Variants in LRRTM4 observed in about 807,000 individuals in gnomAD.
LRRTM4 encodes the protein leucine-rich repeat transmembrane neuronal protein 4.
A neutral mutation model predicts 47.6 loss-of-function variants in LRRTM4; 25 were observed. That is an observed-to-expected ratio of 0.53 (90% confidence interval 0.38 to 0.73). The LOEUF is 0.73. Ranked by LOEUF, LRRTM4 falls within the 30% of genes least tolerant of loss-of-function variation. LRRTM4 has a pLI of 0.00. For synonymous variants in LRRTM4, 311 were observed against 269.5 expected, an observed-to-expected ratio of 1.15 and a Z score of -1.51; for missense variants, 638 against 713.4, an observed-to-expected ratio of 0.89 and a Z score of 1.20.
intron 3 of LRRTM4, among the ~76,000 whole-genome samples, chr2:76,872,896 C>A (rs116347931): frequency 2.6e-5 from 4 of 152,128 alleles, no homozygotes; most frequent in Non-Finnish European, 4.4e-5. Flanking sequence ...TCCCACTCAC[C>A]CTTGCTCCCT....
intron 3 of LRRTM4, among the ~76,000 whole-genome samples, chr2:76,837,825 C>G (rs969463695): frequency 1.3e-5 from 2 of 151,836 alleles, no homozygotes; most frequent in African/African-American, 2.4e-5. Flanking sequence ...TCTCAGTAAA[C>G]TATTGCAAGG....
chr2:76,939,750 G>T (rs920344064), intron 3 of LRRTM4, among the ~76,000 whole-genome samples: 1 of 151,898 alleles, frequency 6.6e-6, no homozygotes, highest in African/African-American at 2.4e-5. Context: ...ATTTTTAAGT[G>T]ATATCCTTTT....
intron 3 of LRRTM4, among the ~76,000 whole-genome samples, chr2:76,960,445 A>G (rs1434719188): frequency 6.6e-6 from 1 of 151,698 alleles, no homozygotes; most frequent in African/African-American, 2.4e-5. Context: ...TTCTATATAA[A>G]GGAACATTAT....
At chr2:77,062,528 C>T (rs1679819446) in intron 3 of LRRTM4, among the ~76,000 whole-genome samples, 1 of 152,122 alleles carries the variant, frequency 6.6e-6, no homozygotes, top group Non-Finnish European at 1.5e-5. Flanking sequence ...TGCAGATTTT[C>T]CAACTCCACA....
intron 3 of LRRTM4, among the ~76,000 whole-genome samples, chr2:77,129,249 C>A (rs1671732359): frequency 6.6e-6 from 1 of 152,072 alleles, no homozygotes; most frequent in Non-Finnish European, 1.5e-5. Flanking sequence ...TAAGGCATTG[C>A]CTAATGAAAG....
At chr2:76,865,730 A>G (rs1419580949) in intron 3 of LRRTM4, among the ~76,000 whole-genome samples, 2 of 152,186 alleles carry the variant, frequency 1.3e-5, no homozygotes, top group African/African-American at 2.4e-5. Context: ...TACTCATAAT[A>G]TAGATATTGA....
intron 3 of LRRTM4, among the ~76,000 whole-genome samples, chr2:77,141,801 G>A (rs1033528658): frequency 4.6e-5 from 7 of 151,996 alleles, no homozygotes; most frequent in Admixed American, 3.9e-4. Context: ...TCACCCAATG[G>A]TTTATATTAT....
intron 3 of LRRTM4, among the ~76,000 whole-genome samples, chr2:76,942,595 A>G (rs1226209406): frequency 6.6e-6 from 1 of 151,328 alleles, no homozygotes; most frequent in Admixed American, 6.6e-5. Context: ...AAAAGCTTCA[A>G]CCCCAACATT....
chr2:77,085,438 T>C (rs1003344022), intron 3 of LRRTM4, among the ~76,000 whole-genome samples: 1 of 151,612 alleles, frequency 6.6e-6, no homozygotes, highest in African/African-American at 2.4e-5. Flanking sequence ...TCTGATGCTA[T>C]CTCTTTCTAA....
In LRRTM4 at chr2:76,993,557, T is replaced by C. The variant is rs1361357145; in HGVS notation, c.1552-244641A>G. Among the ~76,000 whole-genome samples, 5 of 151,984 alleles carry C rather than the reference T, an allele frequency of 3.3e-5. No individual in the cohort carries two copies. In the South Asian group the frequency reaches 1.0e-3, roughly 31 times the overall value. ...AATGTGAATCAAAACCACAGTGACA[T>C]ATTATCTCACATAAGTCAGAATGGC... On this transcript the variant is annotated intron_variant, in intron 3 of 3. Transcript: ENST00000409884.
chr2:76,763,293 T>G (rs1228559727), intron 3 of LRRTM4, among the ~76,000 whole-genome samples: 1 of 152,192 alleles, frequency 6.6e-6, no homozygotes, highest in Non-Finnish European at 1.5e-5. Flanking sequence ...TCATCTCAAA[T>G]GTGGTTGTAT....
chr2:77,107,910 CCATTATAAGTTGTTT>C (rs1349920481), intron 3 of LRRTM4, among the ~76,000 whole-genome samples: 1 of 150,668 alleles, frequency 6.6e-6, no homozygotes, highest in Non-Finnish European at 1.5e-5. Flanking sequence ...AAATAACTTG[CCATTATAAGTTGTTT>C]AGAAAATAAC....
intron 3 of LRRTM4, among the ~76,000 whole-genome samples, chr2:76,886,581 T>C (rs1365000005): frequency 1.3e-5 from 2 of 152,042 alleles, no homozygotes; most frequent in East Asian, 3.9e-4. Context: ...TTTTATTACC[T>C]GGAAAATCCA....
intron 3 of LRRTM4, among the ~76,000 whole-genome samples, chr2:76,991,294 TGA>T (rs1677000017): frequency 1.3e-5 from 2 of 151,502 alleles, no homozygotes; most frequent in African/African-American, 4.8e-5. Flanking sequence ...ATAACTACAA[TGA>T]GAGTGTAACT....
At chr2:77,392,771 A>G (rs1448254084) in intron 3 of LRRTM4, among the ~76,000 whole-genome samples, 1 of 152,034 alleles carries the variant, frequency 6.6e-6, no homozygotes, top group Non-Finnish European at 1.5e-5. Flanking sequence ...TCAGTTACAC[A>G]GGAGGAATAT....
chr2:76,965,120 G>C (rs2103922773), intron 3 of LRRTM4, among the ~76,000 whole-genome samples: 1 of 151,234 alleles, frequency 6.6e-6, no homozygotes, highest in Non-Finnish European at 1.5e-5. Flanking sequence ...AAATATTTAA[G>C]TAGGAAATGA....
At chr2:77,088,456 G>A (rs549085456) in intron 3 of LRRTM4, among the ~76,000 whole-genome samples, 148 of 151,320 alleles carry the variant, frequency 9.8e-4, no homozygotes, top group Non-Finnish European at 1.8e-3. Context: ...AAAGCACCCC[G>A]ACTGAGCACC....
chr2:77,155,501 G>T (rs1190905660), intron 3 of LRRTM4, among the ~76,000 whole-genome samples: 1 of 151,644 alleles, frequency 6.6e-6, no homozygotes, highest in Non-Finnish European at 1.5e-5. Context: ...AAATACAAAG[G>T]TTGAGATAAA....
intron 3 of LRRTM4, among the ~76,000 whole-genome samples, chr2:77,273,145 C>T (rs755968853): frequency 6.6e-6 from 1 of 152,080 alleles, no homozygotes; most frequent in Non-Finnish European, 1.5e-5. Context: ...AAGTCAATAT[C>T]CTTAATTTAA....
Sources: gnomAD v4.1 joint callset for allele counts (sites outside exome capture counted in the v4.1 genomes callset) on GRCh38, gnomAD v4.1.1 for gene constraint, MANE v1.5 for transcripts, NCBI Gene and HGNC (gene_info 2026-07-23, HGNC 2026-07-21) for gene names.